Variants in KLHL32 observed in about 807,000 individuals in gnomAD.
KLHL32 encodes kelch like family member 32, also known as kelch-like protein 32.
Under a neutral mutation model 64.8 loss-of-function variants are expected in KLHL32, and 35 were observed. The observed-to-expected ratio is 0.54, with a 90% CI of 0.41 to 0.72. KLHL32 has a LOEUF of 0.72. Ranked by LOEUF, KLHL32 falls within the 30% of genes least tolerant of loss-of-function variation. KLHL32 has a pLI of 0.00. For synonymous variants in KLHL32, 259 were observed against 281.0 expected, an observed-to-expected ratio of 0.92 and a Z score of 0.78; for missense variants, 589 against 768.5, an observed-to-expected ratio of 0.77 and a Z score of 2.76.
chr6:97,083,293 G>A (rs1357203792), intron 5 of KLHL32, among the ~76,000 whole-genome samples: 7 of 152,072 alleles, frequency 4.6e-5, no homozygotes, highest in Admixed American at 3.9e-4. Context: ...GGGAGGCTGA[G>A]GCAGGAGAAT....
chr6:96,986,113 CT>C (rs1372290075), intron 3 of KLHL32, among the ~76,000 whole-genome samples: 2 of 152,154 alleles, frequency 1.3e-5, no homozygotes, highest in Non-Finnish European at 2.9e-5. Flanking sequence ...AGCTGCAGGT[CT>C]TTTGGAGTTT....
intron 5 of KLHL32, among the ~76,000 whole-genome samples, chr6:97,079,978 A>G (rs1189074964): frequency 6.6e-6 from 1 of 152,180 alleles, no homozygotes; most frequent in Non-Finnish European, 1.5e-5. Context: ...AAGTCACAGA[A>G]TGCAGGAGAG....
At chr6:96,961,952 A>G (rs1306577218) in intron 1 of KLHL32, among the ~76,000 whole-genome samples, 1 of 152,186 alleles carries the variant, frequency 6.6e-6, no homozygotes, top group Non-Finnish European at 1.5e-5. Context: ...AAAAATAACT[A>G]TAAGCACCGT....
intron 4 of KLHL32, among the ~76,000 whole-genome samples, chr6:97,046,867 A>G (rs1372627583): frequency 6.6e-6 from 1 of 152,208 alleles, no homozygotes; most frequent in Admixed American, 6.5e-5. Context: ...TTTATCCGTG[A>G]TATGTATATA....
chr6:97,031,557 C>T (rs1442118731), intron 3 of KLHL32, among the ~76,000 whole-genome samples: 2 of 151,998 alleles, frequency 1.3e-5, no homozygotes, highest in African/African-American at 2.4e-5. Flanking sequence ...AGCCTGGTCT[C>T]AAACTCCTGG....
At chr6:97,109,124 C>A (rs1273668499) in intron 6 of KLHL32, among the ~76,000 whole-genome samples, 1 of 152,140 alleles carries the variant, frequency 6.6e-6, no homozygotes, top group Non-Finnish European at 1.5e-5. Context: ...CCTCCAGTCC[C>A]CCACCTGCTG....
chr6:96,912,772 G>C, the KLHL32 span, among the ~76,000 whole-genome samples: 2 of 152,170 alleles, frequency 1.3e-5, no homozygotes, highest in East Asian at 3.9e-4. Context: ...CTCCTTGCCT[G>C]ACTTGGAAAA....
At chr6:97,008,663 A>G (rs1779974414) in intron 3 of KLHL32, among the ~76,000 whole-genome samples, 1 of 152,056 alleles carries the variant, frequency 6.6e-6, no homozygotes, top group African/African-American at 2.4e-5. Context: ...AGGTGAGAGC[A>G]GGCCATACCT....
At chr6:97,010,284 C>T (rs1203543861) in intron 3 of KLHL32, 2 of 152,168 alleles carry the variant, frequency 1.3e-5, no homozygotes, top group Non-Finnish European at 2.9e-5. Context: ...GCAGTTGCAG[C>T]AGCAGTGGTG....
the KLHL32 span, among the ~76,000 whole-genome samples, chr6:96,901,866 A>G: frequency 2.2e-3 from 328 of 152,312 alleles, 1 homozygote; most frequent in Middle Eastern, 0.02. Context: ...TTAGTTTGCT[A>G]AAGATAATGG....
At chr6:96,999,417 T>C (rs7767640) in intron 3 of KLHL32, 49,177 of 362,476 alleles carry the variant, frequency 0.14, 3,759 homozygotes, top group East Asian at 0.38. Flanking sequence ...CAACAAAGAG[T>C]TAATTTCCGT....
chr6:97,092,169 T>G (rs1019278983), intron 6 of KLHL32, among the ~76,000 whole-genome samples: 2 of 152,106 alleles, frequency 1.3e-5, no homozygotes, highest in African/African-American at 4.8e-5. Context: ...TTTTGTATTT[T>G]TAGTAGAGAC....
chr6:97,124,796 C>G (rs1463402891), intron 7 of KLHL32, among the ~76,000 whole-genome samples: 1 of 152,062 alleles, frequency 6.6e-6, no homozygotes, highest in African/African-American at 2.4e-5. Context: ...TTATTTTAAC[C>G]CTGAAGACTT....
chr6:96,994,644 T>C (rs933375904), intron 3 of KLHL32: 3 of 983,312 alleles, frequency 3.1e-6, no homozygotes, highest in Non-Finnish European at 3.6e-6. Context: ...GTTTAAAATA[T>C]GATTAATGAA....
intron 6 of KLHL32, among the ~76,000 whole-genome samples, chr6:97,094,343 C>A (rs1019122102): frequency 6.6e-6 from 1 of 152,160 alleles, no homozygotes; most frequent in Non-Finnish European, 1.5e-5. Flanking sequence ...TCAAGAGAAG[C>A]CTCAACATTT....
chr6:96,930,716 TG>T (rs1769765217), intron 1 of KLHL32, among the ~76,000 whole-genome samples: 1 of 152,074 alleles, frequency 6.6e-6, no homozygotes, highest in South Asian at 2.1e-4. Context: ...GCTGCTTAGA[TG>T]GGCTCTCCCA....
chr6:97,089,984 T>C (rs1793996920), intron 6 of KLHL32, among the ~76,000 whole-genome samples: 1 of 152,054 alleles, frequency 6.6e-6, no homozygotes, highest in Non-Finnish European at 1.5e-5. Flanking sequence ...GGTGCAAAAG[T>C]AATTGCATAA....
Position 96,939,945 on chromosome 6 carries a change from G to A in KLHL32, c.-66+14919G>A, listed in dbSNP as rs144581195. Among the ~76,000 whole-genome samples the A allele has an allele frequency of 1.4e-3, 216 of 152,138 alleles. 1 individual carries two copies. Among genetic ancestry groups the A allele is most frequent in the African/African-American group, 4.7e-3 (194 of 41,488 alleles). On this transcript the variant is annotated intron_variant, in intron 1 of 10. Transcript: ENST00000369261. The stretch of plus-strand genomic sequence containing the variant: ...TAGAGAAGGAGAGAAATTGCCTAAG[G>A]ACAACTCAGGAGGTAAAATTTTCAG...
chr6:97,024,527 G>A (rs1194984184), intron 3 of KLHL32, among the ~76,000 whole-genome samples: 1 of 151,800 alleles, frequency 6.6e-6, no homozygotes, highest in African/African-American at 2.4e-5. Flanking sequence ...TTGGTCAAAT[G>A]TTACCTCTTT....
Sources: allele counts gnomAD v4.1 joint callset (sites outside exome capture counted in the v4.1 genomes callset), GRCh38; gene constraint gnomAD v4.1.1; transcripts MANE v1.5; gene names NCBI Gene and HGNC (gene_info 2026-07-23, HGNC 2026-07-21).